Variants in JARID2 observed in about 807,000 individuals in gnomAD.
JARID2 encodes the protein protein Jumonji.
In JARID2, 21 loss-of-function variants were observed where a neutral mutation model predicts 125.6. The observed-to-expected ratio is 0.17, with a 90% CI of 0.12 to 0.24. The LOEUF (loss-of-function observed/expected upper bound fraction) is 0.24. Ranked by LOEUF, JARID2 falls within the 10% of genes least tolerant of loss-of-function variation. The pLI is 1.00. For missense variants in JARID2, 1,303 were observed against 1,639.6 expected (o/e 0.79, Z 3.55); for synonymous variants, 736 against 661.6 (o/e 1.11, Z -1.73).
At chr6:15,303,231 T>C (rs549285127) in intron 1 of JARID2, among the ~76,000 whole-genome samples, 10 of 152,382 alleles carry the variant, frequency 6.6e-5, no homozygotes, top group Non-Finnish European at 1.0e-4. Flanking sequence ...ATGTAAGGCA[T>C]TCATCCTATA....
intron 7 of JARID2, among the ~76,000 whole-genome samples, chr6:15,497,387 C>T (rs1041639239): frequency 2.6e-5 from 4 of 152,188 alleles, no homozygotes; most frequent in Non-Finnish European, 5.9e-5. Context: ...AGCTGCCGGG[C>T]GCGGTGGCTC....
At chr6:15,468,906 T>C (rs1417602334) in intron 5 of JARID2, among the ~76,000 whole-genome samples, 188 bp downstream of exon 5, 1 of 152,038 alleles carries the variant, frequency 6.6e-6, no homozygotes, top group Non-Finnish European at 1.5e-5. Context: ...TCTAGGTGAG[T>C]GCAGATACTC....
At chr6:15,477,346 A>G (rs2127697562) in intron 5 of JARID2, among the ~76,000 whole-genome samples, 1 of 151,906 alleles carries the variant, frequency 6.6e-6, no homozygotes, top group East Asian at 1.9e-4. Context: ...TGCTATGTTC[A>G]GTGGGGACAG....
At position 15,401,898 on chromosome 6, in the gene JARID2, GTTT is replaced by G. The variant is rs34203284; in HGVS notation, c.182-8306_182-8304del. Among the ~76,000 whole-genome samples the G allele has an allele frequency of 9.3e-3, 1,181 of 126,486 alleles. 6 individuals carry two copies. The highest frequency in any genetic ancestry group is 0.014 in the African/African-American group (484 of 33,468). The allele number at this position is 126,486 out of a possible 152,430, so 83.0% of individuals were successfully genotyped here. On this transcript the variant is annotated intron_variant, in intron 2 of 17. Coordinates refer to ENST00000341776, the MANE Select transcript of JARID2 (RefSeq NM_004973.4). Reference sequence around the variant, plus strand: ...TTTCTGAAGTTATTTGTTGTCAGCAGTTTTTTTTTTTTTTTTTTTTTTACTTTG... The same window carrying G: ...TTTCTGAAGTTATTTGTTGTCAGCAGTTTTTTTTTTTTTTTTTTTACTTTG...
intron 3 of JARID2, among the ~76,000 whole-genome samples, chr6:15,428,706 G>C (rs1766834931): frequency 6.6e-6 from 1 of 152,110 alleles, no homozygotes; most frequent in Non-Finnish European, 1.5e-5. Context: ...AAGAGTTCGA[G>C]ACCAGCCTGG....
At chr6:15,282,295 A>G (rs1351088712) in intron 1 of JARID2, among the ~76,000 whole-genome samples, 2 of 151,534 alleles carry the variant, frequency 1.3e-5, no homozygotes, top group Non-Finnish European at 2.9e-5. Context: ...CCTTCAGCCA[A>G]TCTACACACC....
At chr6:15,502,162 GCA>G (rs1235121522) in intron 8 of JARID2, among the ~76,000 whole-genome samples, 1 of 152,226 alleles carries the variant, frequency 6.6e-6, no homozygotes, top group East Asian at 1.9e-4. Context: ...TCTCCCGGCA[GCA>G]CACTCATCCT....
chr6:15,510,625 G>C (rs1771231288), intron 12 of JARID2, among the ~76,000 whole-genome samples: 1 of 152,186 alleles, frequency 6.6e-6, no homozygotes, highest in Non-Finnish European at 1.5e-5. Context: ...TGTGTGTCTT[G>C]CTGTATGTGC....
intron 16 of JARID2, among the ~76,000 whole-genome samples, chr6:15,514,530 T>C (rs762818692): frequency 2.0e-5 from 3 of 152,154 alleles, no homozygotes; most frequent in Non-Finnish European, 2.9e-5. Flanking sequence ...GGGTCGACTC[T>C]CCTTGGCCTC....
intron 1 of JARID2, among the ~76,000 whole-genome samples, chr6:15,303,322 T>G (rs373896445): frequency 6.6e-6 from 1 of 152,260 alleles, no homozygotes; most frequent in African/African-American, 2.4e-5. Context: ...GGGTTCATTC[T>G]GTTTCAGGCA....
intron 3 of JARID2, among the ~76,000 whole-genome samples, chr6:15,420,534 G>A (rs1199660045): frequency 1.3e-5 from 2 of 151,998 alleles, no homozygotes; most frequent in East Asian, 3.9e-4. Flanking sequence ...TGCTATTTTT[G>A]TCTTCCATTA....
intron 2 of JARID2, among the ~76,000 whole-genome samples, chr6:15,397,342 A>G (rs1765256268): frequency 6.6e-6 from 1 of 152,178 alleles, no homozygotes. Flanking sequence ...TGATCATTAC[A>G]ATTCTGTATT....
At chr6:15,505,409 G>T (rs1320860064) in intron 9 of JARID2, 3 of 144,292 alleles carry the variant, frequency 2.1e-5, no homozygotes, top group African/African-American at 5.2e-5. Flanking sequence ...AGGTCGGTTT[G>T]CCCCGTGTAT....
chr6:15,292,224 T>G (rs1442014870), intron 1 of JARID2, among the ~76,000 whole-genome samples: 1 of 151,918 alleles, frequency 6.6e-6, no homozygotes, highest in Non-Finnish European at 1.5e-5. Flanking sequence ...GGTTTCACTG[T>G]GTTAGCCAGG....
intron 1 of JARID2, among the ~76,000 whole-genome samples, chr6:15,278,411 C>T (rs1185486894): frequency 2.0e-5 from 3 of 151,640 alleles, no homozygotes; most frequent in Admixed American, 1.3e-4. Flanking sequence ...ACGGTGAAAC[C>T]CCGTCTCTAC....
At chr6:15,424,920 T>C (rs1374867316) in intron 3 of JARID2, among the ~76,000 whole-genome samples, 1 of 152,218 alleles carries the variant, frequency 6.6e-6, no homozygotes, top group African/African-American at 2.4e-5. Flanking sequence ...GCATTTATGA[T>C]GTGCTGTCCA....
At chr6:15,299,688 G>A (rs769350635) in intron 1 of JARID2, among the ~76,000 whole-genome samples, 26 of 152,054 alleles carry the variant, frequency 1.7e-4, no homozygotes, top group Non-Finnish European at 2.4e-4. Flanking sequence ...GAGTTTGGGC[G>A]CCACACAGAT....
At chr6:15,248,881 C>T (rs1581319389) in intron 1 of JARID2, 4 of 984,630 alleles carry the variant, frequency 4.1e-6, no homozygotes, top group East Asian at 1.1e-4. Context: ...TGCCGCAGAG[C>T]CGGGCTGCGG....
intron 2 of JARID2, among the ~76,000 whole-genome samples, chr6:15,375,482 A>T (rs13205396): frequency 0.089 from 13,510 of 152,260 alleles, 782 homozygotes; most frequent in South Asian, 0.16. Flanking sequence ...GAGTCTTAAC[A>T]TTTGCAGAAA....
Sources: allele counts gnomAD v4.1 joint callset (sites outside exome capture counted in the v4.1 genomes callset), GRCh38; gene constraint gnomAD v4.1.1; transcripts MANE v1.5; gene names NCBI Gene and HGNC (gene_info 2026-07-23, HGNC 2026-07-21).